Variants in PRKG1 observed in about 807,000 individuals in gnomAD.
PRKG1 encodes protein kinase cGMP-dependent 1.
Under a neutral mutation model 88.1 loss-of-function variants are expected in PRKG1, and 35 were observed. That is an observed-to-expected ratio of 0.40 (90% CI 0.30 to 0.53). PRKG1 has a LOEUF of 0.53. PRKG1 is among the 20% of genes least tolerant of loss of function. The probability of loss-of-function intolerance (pLI) is 0.59; values close to 1 mark genes in which losing one functional copy is unlikely to be tolerated. For synonymous variants in PRKG1, 303 were observed against 292.5 expected, an observed-to-expected ratio of 1.04 and a Z score of -0.37; for missense variants, 540 against 839.8, an observed-to-expected ratio of 0.64 and a Z score of 4.41.
intron 2 of PRKG1, among the ~76,000 whole-genome samples, chr10:51,294,006 C>A (rs2132226890): frequency 6.6e-6 from 1 of 152,166 alleles, no homozygotes. Flanking sequence ...GGCTGTTGGA[C>A]ATTTTTATGT....
intron 5 of PRKG1, among the ~76,000 whole-genome samples, chr10:51,989,686 A>C (rs1248195295): frequency 6.6e-6 from 1 of 152,142 alleles, no homozygotes; most frequent in East Asian, 1.9e-4. Context: ...TGAGCAGCAT[A>C]GATGTCATGA....
chr10:51,612,179 G>T (rs1458612737), intron 3 of PRKG1, among the ~76,000 whole-genome samples: 1 of 151,962 alleles, frequency 6.6e-6, no homozygotes, highest in East Asian at 1.9e-4. Context: ...TGACAAAAAT[G>T]ACATTAGTAT....
chr10:52,259,588 T>C (rs1322514436), intron 10 of PRKG1, among the ~76,000 whole-genome samples: 1 of 152,068 alleles, frequency 6.6e-6, no homozygotes, highest in Non-Finnish European at 1.5e-5. Flanking sequence ...ATATACAACA[T>C]ATTAGCTTGA....
intron 1 of PRKG1, among the ~76,000 whole-genome samples, chr10:51,053,118 T>C (rs934527660): frequency 5.9e-5 from 9 of 152,066 alleles, no homozygotes; most frequent in Non-Finnish European, 1.3e-4. Context: ...TAATCCCAGC[T>C]ACTCAGGACA....
chr10:52,148,172 C>T (rs73344917), intron 8 of PRKG1, among the ~76,000 whole-genome samples: 4,228 of 152,250 alleles, frequency 0.028, 180 homozygotes, highest in African/African-American at 0.097. Flanking sequence ...CTCTCTTAGC[C>T]TTGTCACTTA....
intron 5 of PRKG1, among the ~76,000 whole-genome samples, chr10:51,981,613 A>G (rs929004962): frequency 6.6e-5 from 10 of 151,862 alleles, no homozygotes; most frequent in Non-Finnish European, 1.3e-4. Context: ...ATAGCAAAAA[A>G]TAAAAAAAAG....
chr10:52,251,193 A>C (rs1841160868), intron 9 of PRKG1, among the ~76,000 whole-genome samples: 1 of 152,136 alleles, frequency 6.6e-6, no homozygotes, highest in African/African-American at 2.4e-5. Context: ...CGGCAAAAAC[A>C]AAACCAAGCA....
chr10:51,730,159 T>C lies in PRKG1; in HGVS notation c.593-74426T>C, dbSNP rs528094282. On this transcript the variant is annotated intron_variant, in intron 3 of 17. Transcript: ENST00000373980. ...GTCTGAGAATAGAAGTGTTTTCAGT[T>C]GTAGTAAAATTGGAGCTGATGCTCC... is the stretch of plus-strand genomic sequence containing the variant. 1.6e-4 allele frequency among the ~76,000 whole-genome samples: 25 copies of C among 152,160 alleles called. No individual in the cohort carries two copies. In the South Asian group the frequency reaches 5.2e-3, roughly 32 times the overall value.
rs58607509 is a variant in PRKG1, at chr10:51,595,082, C to T, written c.592+127246C>T. On this transcript the variant is annotated intron_variant, in intron 3 of 17. Transcript: ENST00000373980. ...TAACTCTGTGCCAAGTGCGGTGGCT[C>T]AAGCCTGTAACCCCAGCATTTTGGA... Among the ~76,000 whole-genome samples, 8 of 152,270 alleles carry T rather than the reference C, an allele frequency of 5.3e-5. No individual in the cohort carries two copies. In the East Asian group the frequency reaches 1.4e-3, roughly 26 times the overall value.
At chr10:52,157,603 G>A (rs1838157252) in intron 8 of PRKG1, among the ~76,000 whole-genome samples, 2 of 151,250 alleles carry the variant, frequency 1.3e-5, no homozygotes, top group African/African-American at 2.4e-5. Flanking sequence ...ATTACCCACT[G>A]AATTACGGTC....
At chr10:51,026,982 A>G (rs1843215072) in intron 1 of PRKG1, among the ~76,000 whole-genome samples, 3 of 152,280 alleles carry the variant, frequency 2.0e-5, no homozygotes, top group South Asian at 2.1e-4. Flanking sequence ...AATCAAATCT[A>G]TATCTGTCAA....
At chr10:52,233,159 A>G (rs1206285596) in intron 9 of PRKG1, among the ~76,000 whole-genome samples, 3 of 141,446 alleles carry the variant, frequency 2.1e-5, no homozygotes, top group South Asian at 2.4e-4. Flanking sequence ...ACAAAACTTA[A>G]TAACTTAGGT....
chr10:52,006,886 A>G (rs909043391), intron 5 of PRKG1, among the ~76,000 whole-genome samples: 1 of 152,126 alleles, frequency 6.6e-6, no homozygotes, highest in African/African-American at 2.4e-5. Flanking sequence ...GAAGGGGTGG[A>G]TCACCTACAA....
chr10:51,142,766 G>C (rs1249336193), intron 1 of PRKG1, among the ~76,000 whole-genome samples: 1 of 151,912 alleles, frequency 6.6e-6, no homozygotes. Context: ...ACAATGAAAC[G>C]TTAGATATGG....
At chr10:51,007,437 A>G (rs1283278612) in intron 1 of PRKG1, among the ~76,000 whole-genome samples, 1 of 152,236 alleles carries the variant, frequency 6.6e-6, no homozygotes, top group Non-Finnish European at 1.5e-5. Context: ...GCTATTAATG[A>G]TAAATTAACA....
chr10:52,199,809 C>T (rs1454885240), intron 9 of PRKG1, among the ~76,000 whole-genome samples: 2 of 152,122 alleles, frequency 1.3e-5, no homozygotes, highest in Non-Finnish European at 2.9e-5. Context: ...AGTATTTGTG[C>T]TAGGACAACC....
At chr10:51,222,616 T>C (rs997658392) in intron 2 of PRKG1, among the ~76,000 whole-genome samples, 3 of 152,136 alleles carry the variant, frequency 2.0e-5, no homozygotes, top group African/African-American at 4.8e-5. Context: ...GTTTAAGTAA[T>C]GGATTTAGAG....
rs140493107 is a variant in PRKG1 at position 52,099,731 on chromosome 10, C to T, written c.936-34109C>T. Among the ~76,000 whole-genome samples, 107 of 152,262 alleles carry T rather than the reference C, an allele frequency of 7.0e-4. 1 individual carries two copies. Among genetic ancestry groups the T allele is most frequent in the African/African-American group, 2.4e-3 (98 of 41,542 alleles). ...AGTGACTTAGATACTGTTAGGGTTGCTTTTGGAATCACAAACCTAGGGTAT... is the reference window on the plus strand; with the variant it reads ...AGTGACTTAGATACTGTTAGGGTTGTTTTTGGAATCACAAACCTAGGGTAT... On this transcript the variant is annotated intron_variant, in intron 7 of 17. Coordinates refer to ENST00000373980, the MANE Select transcript of PRKG1 (RefSeq NM_006258.4).
intron 3 of PRKG1, among the ~76,000 whole-genome samples, chr10:51,495,731 C>A (rs1016655405): frequency 6.6e-6 from 1 of 152,144 alleles, no homozygotes; most frequent in Admixed American, 6.5e-5. Flanking sequence ...ACTTTGGCAA[C>A]GTTGTAAATG....
Sources: gnomAD v4.1 joint callset for allele counts (sites outside exome capture counted in the v4.1 genomes callset) on GRCh38, gnomAD v4.1.1 for gene constraint, MANE v1.5 for transcripts, NCBI Gene and HGNC (gene_info 2026-07-23, HGNC 2026-07-21) for gene names.